The following PLEKHM3 variants were observed in gnomAD, a reference collection of about 807,000 sequenced individuals.
The protein encoded by PLEKHM3 is pleckstrin homology domain containing M3, also known as pleckstrin homology domain-containing family M member 3.
PLEKHM3 carries 45 observed loss-of-function variants against 81.8 expected under a neutral mutation model. The ratio of observed to expected loss-of-function variants is 0.55; its 90% CI spans 0.43 to 0.71. The LOEUF is 0.71. Among genes scored for constraint, PLEKHM3 ranks in the 30% least tolerant of loss-of-function variants. PLEKHM3 has a pLI of 0.00. For synonymous variants in PLEKHM3, 352 were observed against 356.4 expected, an observed-to-expected ratio of 0.99 and a Z score of 0.14; for missense variants, 788 against 924.3, an observed-to-expected ratio of 0.85 and a Z score of 1.91.
chr2:208,007,135 A>G (rs187180686), intron 1 of PLEKHM3, among the ~76,000 whole-genome samples: 3 of 152,318 alleles, frequency 2.0e-5, no homozygotes, highest in Admixed American at 2.0e-4. Flanking sequence ...GTCTGGGGCC[A>G]TATCATTTTA....
chr2:207,909,045 T>TG (rs1055872689), intron 5 of PLEKHM3, among the ~76,000 whole-genome samples: 2 of 152,128 alleles, frequency 1.3e-5, no homozygotes, highest in Admixed American at 1.3e-4. Flanking sequence ...AAAACTGGAG[T>TG]GGCCACTCGT....
chr2:207,855,273 T>C (rs2092431879), intron 7 of PLEKHM3, among the ~76,000 whole-genome samples: 2 of 152,066 alleles, frequency 1.3e-5, no homozygotes, highest in South Asian at 4.1e-4. Context: ...GGGTGGGGTA[T>C]GTCAAGGGAA....
At chr2:207,901,029 T>A (rs1257680600) in intron 6 of PLEKHM3, 1 of 547,424 alleles carries the variant, frequency 1.8e-6, no homozygotes, top group Non-Finnish European at 3.3e-6. Flanking sequence ...CTAAACACCA[T>A]CCAACTCCAC....
intron 2 of PLEKHM3, among the ~76,000 whole-genome samples, chr2:207,980,984 C>A (rs1322199042): frequency 6.6e-6 from 1 of 151,700 alleles, no homozygotes; most frequent in East Asian, 1.9e-4. Context: ...AAAAATTAGT[C>A]GGGTGTGGTG....
chr2:207,962,746 G>A (rs1421010830), intron 3 of PLEKHM3, among the ~76,000 whole-genome samples: 1 of 152,106 alleles, frequency 6.6e-6, no homozygotes, highest in African/African-American at 2.4e-5. Context: ...CAGATTATGT[G>A]CAAATAAACC....
At chr2:207,839,702 G>C (rs1356764335) in intron 7 of PLEKHM3, among the ~76,000 whole-genome samples, 3 of 152,138 alleles carry the variant, frequency 2.0e-5, no homozygotes, top group Non-Finnish European at 4.4e-5. Flanking sequence ...GAGAGGCTGA[G>C]GCAGGATGAT....
chr2:207,830,510 G>C (rs949339503), intron 7 of PLEKHM3, among the ~76,000 whole-genome samples: 5 of 151,800 alleles, frequency 3.3e-5, no homozygotes, highest in Non-Finnish European at 5.9e-5. Flanking sequence ...CTACTCGGGA[G>C]GCTGAGGCAG....
At chr2:207,952,974 GCTAT>G (rs1473396563) in intron 3 of PLEKHM3, among the ~76,000 whole-genome samples, 5 of 152,210 alleles carry the variant, frequency 3.3e-5, no homozygotes, top group African/African-American at 1.2e-4. Flanking sequence ...TAAAGTAGGA[GCTAT>G]CTGTTTAGCC....
chr2:207,945,234 C>T (rs1574430283), intron 4 of PLEKHM3, among the ~76,000 whole-genome samples: 2 of 152,316 alleles, frequency 1.3e-5, no homozygotes, highest in South Asian at 2.1e-4. Context: ...CTCACTCCTT[C>T]TTGGCCTCCT....
chr2:207,955,475 A>T (rs1690471806), intron 3 of PLEKHM3, among the ~76,000 whole-genome samples: 1 of 152,248 alleles, frequency 6.6e-6, no homozygotes, highest in Admixed American at 6.5e-5. Context: ...CTTATGTAAG[A>T]CAGGCTTACT....
chr2:207,968,069 A>G (rs1690979079), intron 3 of PLEKHM3, among the ~76,000 whole-genome samples: 1 of 151,946 alleles, frequency 6.6e-6, no homozygotes, highest in African/African-American at 2.4e-5. Context: ...AATCTCTGAT[A>G]ACCCAAGTTA....
intron 5 of PLEKHM3, chr2:207,930,039 A>C (rs1689535508): frequency 3.6e-6 from 2 of 559,900 alleles, no homozygotes; most frequent in African/African-American, 1.9e-5. Flanking sequence ...CAAGGGTGAG[A>C]CTTTAAATGC....
chr2:207,966,643 C>T (rs1274783609), intron 3 of PLEKHM3, among the ~76,000 whole-genome samples: 3 of 152,176 alleles, frequency 2.0e-5, no homozygotes, highest in African/African-American at 7.2e-5. Context: ...ACCTCCACCT[C>T]CCGGGTTCAA....
intron 7 of PLEKHM3, among the ~76,000 whole-genome samples, chr2:207,831,417 C>T (rs936244106): frequency 9.2e-5 from 14 of 152,196 alleles, no homozygotes; most frequent in African/African-American, 3.1e-4. Context: ...ATGGAGCCAT[C>T]GCATAGGGAA....
intron 6 of PLEKHM3, among the ~76,000 whole-genome samples, chr2:207,874,357 C>T (rs945344616): frequency 6.6e-6 from 1 of 151,996 alleles, no homozygotes; most frequent in Non-Finnish European, 1.5e-5. Flanking sequence ...GGCGGATCAC[C>T]TGAGGTTGGG....
At chr2:207,893,524 T>C (rs1019196316) in intron 6 of PLEKHM3, among the ~76,000 whole-genome samples, 2 of 152,182 alleles carry the variant, frequency 1.3e-5, no homozygotes, top group South Asian at 4.1e-4. Context: ...AACTAGGGGA[T>C]GGATGCTAGC....
chr2:208,015,583 T>C (rs1692878158), intron 1 of PLEKHM3, among the ~76,000 whole-genome samples: 1 of 152,210 alleles, frequency 6.6e-6, no homozygotes, highest in South Asian at 2.1e-4. Context: ...GTTCTCTAAC[T>C]AAATAGCTAA....
intron 3 of PLEKHM3, among the ~76,000 whole-genome samples, chr2:207,947,732 G>A (rs966384918): frequency 2.0e-5 from 3 of 152,112 alleles, no homozygotes; most frequent in African/African-American, 7.2e-5. Flanking sequence ...CTACAACTAC[G>A]ACAACTACTA....
At position 207,909,617 on chromosome 2, in the gene PLEKHM3, G is replaced by A. The variant is rs1186220898; in HGVS notation, c.1887-1040C>T. Among the ~76,000 whole-genome samples the A allele has an allele frequency of 2.6e-5, 4 of 152,136 alleles. No homozygotes were observed. The South Asian group carries it at 6.2e-4, about 24-fold the overall frequency. On this transcript the variant is annotated intron_variant, in intron 5 of 7. Transcript: ENST00000427836. ...TGAAAATGATAAAGAGTTATGCATG[G>A]GGTCCATATTTTTTGAGTAGTCTAA...
Sources: allele counts gnomAD v4.1 joint callset (sites outside exome capture counted in the v4.1 genomes callset), GRCh38; gene constraint gnomAD v4.1.1; transcripts MANE v1.5; gene names NCBI Gene and HGNC (gene_info 2026-07-23, HGNC 2026-07-21).